Variants in RNF152 observed in about 807,000 individuals in gnomAD.
RNF152 encodes the protein E3 ubiquitin-protein ligase RNF152.
A neutral mutation model predicts 12.7 loss-of-function variants in RNF152; 11 were observed. The ratio of observed to expected loss-of-function variants is 0.86; its 90% CI spans 0.54 to 1.43. The LOEUF (loss-of-function observed/expected upper bound fraction) is 1.43, where lower values mean the gene tolerates loss of function less well. RNF152 is among the 40% of genes most tolerant of loss of function. The pLI is 0.00. For missense variants in RNF152, 255 were observed against 274.8 expected (o/e 0.93, Z 0.51); for synonymous variants, 113 against 120.3 (o/e 0.94, Z 0.40).
At chr18:61,854,197 T>G (rs1277560886) in intron 1 of RNF152, among the ~76,000 whole-genome samples, 1 of 152,256 alleles carries the variant, frequency 6.6e-6, no homozygotes, top group African/African-American at 2.4e-5. Context: ...CAGTTATCTC[T>G]GCTTCTCAGC....
chr18:61,847,627 A>G (rs1020600227), intron 1 of RNF152, among the ~76,000 whole-genome samples: 1 of 152,254 alleles, frequency 6.6e-6, no homozygotes, highest in African/African-American at 2.4e-5. Context: ...CAATGGTGAT[A>G]CGATTTGAAA....
intron 1 of RNF152, among the ~76,000 whole-genome samples, chr18:61,852,042 C>G (rs1226807515): frequency 6.6e-6 from 1 of 152,156 alleles, no homozygotes; most frequent in Non-Finnish European, 1.5e-5. Context: ...CTCTCAGTGA[C>G]AGGCAGCTCA....
intron 1 of RNF152, among the ~76,000 whole-genome samples, chr18:61,853,694 CTT>C (rs1911092119): frequency 6.6e-6 from 1 of 152,182 alleles, no homozygotes; most frequent in Non-Finnish European, 1.5e-5. Context: ...CTACCACTAA[CTT>C]TGACTATTCT....
At position 61,808,845 on chromosome 18, in the gene RNF152, C is replaced by T. The variant is rs1355142905; in HGVS notation, c.*7007G>A. The T allele has an allele frequency of 6.6e-6, 1 of 152,258 alleles. No homozygotes were observed. The highest frequency in any genetic ancestry group is 1.5e-5 in the Non-Finnish European group (1 of 68,078). 9.4% of individuals were successfully genotyped at this position (152,258 alleles called of 1,614,324 possible). On this transcript the variant is annotated 3_prime_UTR_variant, in exon 2 of 2. Transcript: ENST00000312828. ...GTCTGCACTGACGTGGCAACCAACT[C>T]TAGAGCGGACTCTGAAATTGCCTAG...
chr18:61,863,698 G>A (rs1002207958), intron 1 of RNF152, among the ~76,000 whole-genome samples: 9 of 152,162 alleles, frequency 5.9e-5, no homozygotes, highest in African/African-American at 1.9e-4. Flanking sequence ...TACAAAGTGC[G>A]TTTTCCTGAT....
chr18:61,864,024 T>TA (rs1911620389), intron 1 of RNF152, among the ~76,000 whole-genome samples: 1 of 152,204 alleles, frequency 6.6e-6, no homozygotes, highest in Non-Finnish European at 1.5e-5. Context: ...TCCTGCCCCT[T>TA]ACAGCCACAA....
At position 61,822,499 on chromosome 18, in the gene RNF152, G is replaced by A. The variant is rs145004559; in HGVS notation, c.-135-5901C>T. On this transcript the variant is annotated intron_variant, in intron 1 of 1. Transcript: ENST00000312828. ...AAGGTACAGGTGTGACAAAGTGCGC[G>A]CATTCATTTGGTAGGTGGTAAAATA... 1.9e-4 allele frequency among the ~76,000 whole-genome samples: 29 copies of A among 152,222 alleles called. No homozygotes were observed. The East Asian group carries it at 4.6e-3, about 24-fold the overall frequency.
intron 1 of RNF152, among the ~76,000 whole-genome samples, chr18:61,830,028 T>C (rs990237920): frequency 6.0e-5 from 9 of 151,202 alleles, no homozygotes; most frequent in South Asian, 2.1e-4. Flanking sequence ...AGAGCTTCTT[T>C]TTTTTTTTTT....
chr18:61,863,254 G>A (rs55853108), intron 1 of RNF152, among the ~76,000 whole-genome samples: 36,232 of 151,882 alleles, frequency 0.24, 5,006 homozygotes, highest in South Asian at 0.33. Context: ...CTAACACAGT[G>A]AAATCCCATC....
intron 1 of RNF152, among the ~76,000 whole-genome samples, chr18:61,856,332 A>G (rs1911225852): frequency 6.6e-6 from 1 of 152,174 alleles, no homozygotes; most frequent in Non-Finnish European, 1.5e-5. Context: ...GGAACACTAC[A>G]AGGCTGGGGG....
In RNF152 at chr18:61,816,233, A is replaced by G; in HGVS notation, c.231T>C (p.Ala77=). 6.2e-7 allele frequency: 1 copy of G among 1,614,226 alleles called. No individual in the cohort carries two copies. The highest frequency in any genetic ancestry group is 8.5e-7 in the Non-Finnish European group (1 of 1,180,034). The change falls in exon 2 of 2, where the codon GCT becomes GCC. Residue 77 remains alanine, a synonymous_variant. Transcript: ENST00000312828. ...CGGAAGTGTGTGGAATGGCGATGAC[A>G]GCCAGGACCTCCGGGTCGTCCGGGA... The part of the protein sequence containing the change: ...SQLPDDPEVL[A]VIAIPHTSEH...
chr18:61,867,149 T>A (rs886325966), intron 1 of RNF152, among the ~76,000 whole-genome samples: 5 of 152,152 alleles, frequency 3.3e-5, no homozygotes, highest in Non-Finnish European at 1.5e-5. Context: ...GAGTTACCCA[T>A]GCATGGCAAA....
intron 1 of RNF152, among the ~76,000 whole-genome samples, chr18:61,883,456 T>G (rs1350947413): frequency 6.6e-6 from 1 of 152,174 alleles, no homozygotes; most frequent in Non-Finnish European, 1.5e-5. Flanking sequence ...GCTACAATGT[T>G]TTTTCCCATT....
chr18:61,836,312 G>GA (rs1002553726), intron 1 of RNF152, among the ~76,000 whole-genome samples: 23 of 147,920 alleles, frequency 1.6e-4, no homozygotes, highest in African/African-American at 3.5e-4. Context: ...TTTGAATATT[G>GA]AAAAAAAAAA....
intron 1 of RNF152, among the ~76,000 whole-genome samples, chr18:61,844,076 AG>A (rs1490132765): frequency 1.3e-5 from 1 of 77,692 alleles, no homozygotes; most frequent in Admixed American, 1.4e-4. Flanking sequence ...ACAGAAAGAA[AG>A]GAAAGAAAGA....
Position 61,815,456 on chromosome 18 carries a change from T to C in RNF152, c.*396A>G, listed in dbSNP as rs1909016860. 6.3e-6 allele frequency: 1 copy of C among 159,506 alleles called. No individual in the cohort carries two copies. Among genetic ancestry groups the C allele is most frequent in the Admixed American group, 6.2e-5 (1 of 16,090 alleles). The allele number at this position is 159,506 out of a possible 1,614,324, so 9.9% of individuals were successfully genotyped here. A position where few individuals can be genotyped will look rare whatever the true frequency, so the allele number is the denominator to read the frequency against. On this transcript the variant is annotated 3_prime_UTR_variant, in exon 2 of 2. Transcript: ENST00000312828. The stretch of plus-strand genomic sequence containing the variant: ...TTACACGGATTCGCAGGTTTAATTC[T>C]ACTTGTCTACAGAGCATCTTTGTTT...
rs1912847062 is a variant in RNF152, at chr18:61,809,370, A to G, written c.*6482T>C. 6.6e-6 allele frequency: 1 copy of G among 152,192 alleles called. No individual in the cohort carries two copies. Among genetic ancestry groups the G allele is most frequent in the Non-Finnish European group, 1.5e-5 (1 of 68,040 alleles). 9.4% of individuals were successfully genotyped at this position (152,192 alleles called of 1,614,324 possible). A position where few individuals can be genotyped will look rare whatever the true frequency, so the allele number is the denominator to read the frequency against. ...CAGAGGTATCAACTAGATCCCCTTT[A>G]AGAGGCATTTGTCATCTCTATTTCC... On this transcript the variant is annotated 3_prime_UTR_variant, in exon 2 of 2. Coordinates refer to ENST00000312828, the MANE Select transcript of RNF152 (RefSeq NM_173557.3).
chr18:61,882,121 T>C (rs1475595894), intron 1 of RNF152, among the ~76,000 whole-genome samples: 1 of 152,226 alleles, frequency 6.6e-6, no homozygotes, highest in Non-Finnish European at 1.5e-5. Context: ...CATTGGAGAA[T>C]TTTGGATTTT....
chr18:61,852,567 A>G (rs543233842), intron 1 of RNF152, among the ~76,000 whole-genome samples: 3 of 152,352 alleles, frequency 2.0e-5, no homozygotes, highest in Non-Finnish European at 2.9e-5. Flanking sequence ...CAGTCTTCAA[A>G]GAGAAACTGA....
Sources: gnomAD v4.1 joint callset for allele counts (sites outside exome capture counted in the v4.1 genomes callset) on GRCh38, gnomAD v4.1.1 for gene constraint, MANE v1.5 for transcripts, NCBI Gene and HGNC (gene_info 2026-07-23, HGNC 2026-07-21) for gene names.